Variants in PTK2 observed in about 807,000 individuals in gnomAD.
PTK2 encodes protein tyrosine kinase 2.
Under a neutral mutation model 150.1 loss-of-function variants are expected in PTK2, and 45 were observed. The observed-to-expected ratio is 0.30, with a 90% CI of 0.24 to 0.38. PTK2 has a LOEUF of 0.38. Ranked by LOEUF, PTK2 falls within the 10% of genes least tolerant of loss-of-function variation. The pLI, the probability that PTK2 is intolerant of heterozygous loss-of-function variation, is 1.00. For missense variants in PTK2, 919 were observed against 1,307.3 expected (o/e 0.70, Z 4.58); for synonymous variants, 432 against 449.2 (o/e 0.96, Z 0.48).
intron 10 of PTK2, among the ~76,000 whole-genome samples, chr8:140,814,220 G>A (rs767157432): frequency 4.6e-5 from 7 of 152,130 alleles, no homozygotes; most frequent in African/African-American, 9.7e-5. Flanking sequence ...AATTCTACCA[G>A]ACGTATACAG....
rs962097303 is a variant in PTK2 at position 140,938,981 on chromosome 8, A to T, written c.-121-13232T>A. Among the ~76,000 whole-genome samples, 129 of 149,168 alleles carry T rather than the reference A, an allele frequency of 8.6e-4. 1 individual carries two copies. In the East Asian group the frequency reaches 0.02, roughly 24 times the overall value. ...AATACAGTAAGACCCCATTCTCAGT[A>T]TTTTTTTTTTTGAAAAAAGAATATT... On this transcript the variant is annotated intron_variant, in intron 1 of 31. Coordinates refer to ENST00000522684, the Ensembl canonical transcript of PTK2.
At chr8:140,700,936 T>C (rs546619591) in exon 26 of PTK2, 2 of 1,613,990 alleles carry the variant, frequency 1.2e-6, no homozygotes, top group Admixed American at 3.3e-5. Flanking sequence ...CTTCTTCCAT[T>C]TCCTGTTGCT....
chr8:140,978,240 A>G (rs916718492), intron 1 of PTK2, among the ~76,000 whole-genome samples: 3 of 152,234 alleles, frequency 2.0e-5, no homozygotes, highest in Admixed American at 1.3e-4. Flanking sequence ...AATGGCAACA[A>G]AAGCCAAAAC....
At chr8:140,725,974 T>C (rs992203733) in intron 22 of PTK2, among the ~76,000 whole-genome samples, 12 of 151,862 alleles carry the variant, frequency 7.9e-5, no homozygotes, top group African/African-American at 2.9e-4. Flanking sequence ...TATTCAAGGG[T>C]ATAAAAGAAA....
intron 17 of PTK2, among the ~76,000 whole-genome samples, chr8:140,750,873 T>C (rs888465166): frequency 6.6e-6 from 1 of 152,060 alleles, no homozygotes; most frequent in Non-Finnish European, 1.5e-5. Flanking sequence ...AGCCTAGAAC[T>C]TTAGAATAGC....
At chr8:140,865,056 A>G (rs1042369894) in intron 4 of PTK2, among the ~76,000 whole-genome samples, 5 of 152,212 alleles carry the variant, frequency 3.3e-5, no homozygotes, top group African/African-American at 9.7e-5. Flanking sequence ...CAGTTCCTCT[A>G]TATCTTTGCC....
intron 4 of PTK2, among the ~76,000 whole-genome samples, chr8:140,872,334 C>T (rs920498480): frequency 1.3e-5 from 2 of 152,100 alleles, no homozygotes; most frequent in East Asian, 3.9e-4. Flanking sequence ...TGTGAGCCAC[C>T]ACGCCTGGCC....
At chr8:140,715,508 T>C (rs940283736) in intron 23 of PTK2, among the ~76,000 whole-genome samples, 2 of 152,138 alleles carry the variant, frequency 1.3e-5, no homozygotes, top group Non-Finnish European at 2.9e-5. Context: ...TGCCAAATCT[T>C]TTCTTTAAAG....
At chr8:140,892,351 T>C (rs1411751903) in intron 2 of PTK2, among the ~76,000 whole-genome samples, 1 of 152,040 alleles carries the variant, frequency 6.6e-6, no homozygotes, top group African/African-American at 2.4e-5. Flanking sequence ...CCTAGCCAAC[T>C]TGGCAAAACC....
intron 7 of PTK2, among the ~76,000 whole-genome samples, chr8:140,838,005 C>T (rs2100119839): frequency 1.4e-5 from 2 of 147,734 alleles, no homozygotes; most frequent in Admixed American, 6.7e-5. Flanking sequence ...GAGGTTGCTG[C>T]AAGCCGAGGT....
chr8:140,702,770 A>C, intron 24 of PTK2, 63 bp from the exon 28 acceptor site: 1 of 1,522,624 alleles, frequency 6.6e-7, no homozygotes, highest in Non-Finnish European at 9.0e-7. Flanking sequence ...TCTGCTTCAC[A>C]CACAAAGGAA....
intron 14 of PTK2, among the ~76,000 whole-genome samples, chr8:140,766,359 C>A (rs933888791): frequency 1.3e-5 from 2 of 152,182 alleles, no homozygotes; most frequent in Non-Finnish European, 2.9e-5. Context: ...CTTTACCATG[C>A]ACCAAAGCTT....
At chr8:140,737,836 C>T (rs2154410773) in intron 21 of PTK2, among the ~76,000 whole-genome samples, 1 of 152,308 alleles carries the variant, frequency 6.6e-6, no homozygotes, top group Middle Eastern at 3.4e-3. Context: ...AAGTTACTTG[C>T]TCTGTGGATC....
At chr8:140,820,643 A>C (rs1451415604) in intron 8 of PTK2, 1 of 151,672 alleles carries the variant, frequency 6.6e-6, no homozygotes, top group Non-Finnish European at 1.5e-5. Flanking sequence ...ACATAGAACC[A>C]ACAGGATATG....
At chr8:140,696,931 A>G (rs1385774629) in intron 26 of PTK2, among the ~76,000 whole-genome samples, 1 of 151,924 alleles carries the variant, frequency 6.6e-6, no homozygotes, top group Admixed American at 6.6e-5. Context: ...GCATTAAGAA[A>G]GGTACTTGTT....
chr8:140,806,728 T>C (rs1386054460), intron 10 of PTK2, among the ~76,000 whole-genome samples: 1 of 152,178 alleles, frequency 6.6e-6, no homozygotes, highest in Non-Finnish European at 1.5e-5. Context: ...CTGACTAGAG[T>C]GCCTTCCAAT....
intron 26 of PTK2, among the ~76,000 whole-genome samples, chr8:140,699,575 A>G (rs76384481): frequency 2.2e-4 from 33 of 152,266 alleles, no homozygotes; most frequent in African/African-American, 7.5e-4. Flanking sequence ...CACATCAGTC[A>G]TAAATGCCAG....
intron 1 of PTK2, among the ~76,000 whole-genome samples, chr8:140,986,145 T>C (rs1236881027): frequency 6.6e-6 from 1 of 152,176 alleles, no homozygotes; most frequent in Non-Finnish European, 1.5e-5. Flanking sequence ...CCCAATGTAG[T>C]AGCCACTAGC....
rs1032315873 is a variant in PTK2, at chr8:140,896,790, G to C, written c.-32-6021C>G. 6.6e-5 allele frequency among the ~76,000 whole-genome samples: 7 copies of C among 106,588 alleles called. 1 individual carries two copies. Among genetic ancestry groups the C allele is most frequent in the African/African-American group, 1.5e-4 (5 of 32,882 alleles). 69.9% of individuals were successfully genotyped at this position (106,588 alleles called of 152,430 possible). On this transcript the variant is annotated intron_variant, in intron 2 of 31. Coordinates refer to ENST00000522684, the Ensembl canonical transcript of PTK2. Reference sequence around the variant, plus strand: ...GCCCCCCCTTCCCCCCAAAAAAACGGGGGGGGGGGGTGGGTAAAACATAAA... The same window carrying C: ...GCCCCCCCTTCCCCCCAAAAAAACGCGGGGGGGGGGTGGGTAAAACATAAA...
Sources: allele counts gnomAD v4.1 joint callset (sites outside exome capture counted in the v4.1 genomes callset), GRCh38; gene constraint gnomAD v4.1.1; transcripts MANE v1.5; gene names NCBI Gene and HGNC (gene_info 2026-07-23, HGNC 2026-07-21).